Variants in CBLB observed in about 807,000 individuals in gnomAD.
CBLB encodes Cbl proto-oncogene B.
In CBLB, 31 loss-of-function variants were observed where a neutral mutation model predicts 104.9. That is an observed-to-expected ratio of 0.30 (90% confidence interval 0.22 to 0.40). CBLB has a LOEUF of 0.40. CBLB is among the 10% of genes least tolerant of loss of function. The pLI is 1.00. For synonymous variants in CBLB, 440 were observed against 422.6 expected (o/e 1.04, Z -0.51); for missense variants, 1,062 against 1,214.6 (o/e 0.87, Z 1.87).
At chr3:105,816,840 G>C (rs2085126915) in intron 3 of CBLB, among the ~76,000 whole-genome samples, 1 of 152,092 alleles carries the variant, frequency 6.6e-6, no homozygotes, top group African/African-American at 2.4e-5. Flanking sequence ...CTTATTAATG[G>C]AACCTACTTT....
chr3:105,789,422 G>T (rs2081388519), intron 3 of CBLB, among the ~76,000 whole-genome samples: 1 of 151,988 alleles, frequency 6.6e-6, no homozygotes, highest in Non-Finnish European at 1.5e-5. Context: ...ACCAACCAGG[G>T]AACGTTTTTA....
intron 4 of CBLB, among the ~76,000 whole-genome samples, chr3:105,757,573 TCTCA>T (rs1298870177): frequency 2.0e-5 from 3 of 152,194 alleles, no homozygotes; most frequent in Non-Finnish European, 4.4e-5. Flanking sequence ...CATAAAAATT[TCTCA>T]CTCTATATGT....
At chr3:105,780,250 G>C (rs2080027698) in intron 3 of CBLB, among the ~76,000 whole-genome samples, 1 of 151,828 alleles carries the variant, frequency 6.6e-6, no homozygotes, top group African/African-American at 2.4e-5. Context: ...GAGAAGAAAA[G>C]AAACAATCAC....
intron 1 of CBLB, 73 bp downstream of exon 1, chr3:105,868,663 C>T (rs995965449): frequency 4.3e-5 from 42 of 965,948 alleles, no homozygotes; most frequent in Non-Finnish European, 5.0e-5. Flanking sequence ...CTCCTTGGCC[C>T]GCGCCTGGCT....
At chr3:105,699,001 C>A (rs922458105) in intron 12 of CBLB, among the ~76,000 whole-genome samples, 5 of 152,082 alleles carry the variant, frequency 3.3e-5, no homozygotes, top group African/African-American at 1.2e-4. Context: ...TCCACCTTTT[C>A]TCTCCTGGCC....
At position 105,745,702 on chromosome 3, in the gene CBLB, A is replaced by G. The variant is rs982847697; in HGVS notation, c.845+215T>C. Among the ~76,000 whole-genome samples, 4 of 152,214 alleles carry G rather than the reference A, an allele frequency of 2.6e-5. 1 individual carries two copies. The South Asian group carries it at 8.3e-4, about 32-fold the overall frequency. On this transcript the variant is annotated intron_variant, in intron 6 of 18. Coordinates refer to ENST00000394030, the MANE Select transcript of CBLB (RefSeq NM_170662.5). ...ATATCATGAAAACAGAAAGGAGACC[A>G]TATCCCCTTTCACTTTATGAATACC...
At chr3:105,869,312 G>A (rs1706763363), upstream of CBLB, 2 of 1,151,746 alleles carry the variant, frequency 1.7e-6, no homozygotes. Context: ...ATGGACGAAG[G>A]GATGCAAGGC....
At chr3:105,763,730 C>T (rs2077917908) in intron 4 of CBLB, among the ~76,000 whole-genome samples, 1 of 152,188 alleles carries the variant, frequency 6.6e-6, no homozygotes, top group Non-Finnish European at 1.5e-5. Context: ...ACCAGCAGAA[C>T]ATGATCCTAA....
chr3:105,734,159 G>A lies in CBLB; in HGVS notation c.1072-19C>T. 2 of 1,612,464 alleles carry A rather than the reference G, an allele frequency of 1.2e-6. No homozygotes were observed. The highest frequency in any genetic ancestry group is 1.7e-6 in the Non-Finnish European group (2 of 1,178,664). Reference sequence around the variant, plus strand: ...ATTGTTCCTGGAATTTGGGGAGGAGGGAGAAAGTAATGTTAATGTATTTCC... The same window carrying A: ...ATTGTTCCTGGAATTTGGGGAGGAGAGAGAAAGTAATGTTAATGTATTTCC... On this transcript the variant is annotated intron_variant, in intron 8 of 18. Coordinates refer to ENST00000394030, the MANE Select transcript of CBLB (RefSeq NM_170662.5).
At chr3:105,849,008 A>C (rs1313626839) in intron 3 of CBLB, among the ~76,000 whole-genome samples, 3 of 152,158 alleles carry the variant, frequency 2.0e-5, no homozygotes, top group African/African-American at 7.2e-5. Context: ...AGATCTCATA[A>C]TGCTGACTAT....
At chr3:105,861,502 C>A (rs1029972387) in intron 2 of CBLB, among the ~76,000 whole-genome samples, 1 of 151,978 alleles carries the variant, frequency 6.6e-6, no homozygotes, top group South Asian at 2.1e-4. Context: ...TACATTTATT[C>A]GCCAAGATTA....
intron 10 of CBLB, among the ~76,000 whole-genome samples, chr3:105,705,547 G>T (rs909800718): frequency 2.0e-5 from 3 of 152,104 alleles, no homozygotes; most frequent in African/African-American, 7.2e-5. Flanking sequence ...TCTTTATTGG[G>T]ATTTGTCTAA....
intron 4 of CBLB, 23 bp from the exon 5 acceptor site, chr3:105,751,641 G>T (rs1278529364): frequency 6.3e-7 from 1 of 1,597,448 alleles, no homozygotes; most frequent in Non-Finnish European, 8.6e-7. Flanking sequence ...GAAAAAAAGG[G>T]AAATAATTGA....
At chr3:105,699,567 G>C (rs1482372671) in intron 12 of CBLB, among the ~76,000 whole-genome samples, 4 of 152,294 alleles carry the variant, frequency 2.6e-5, no homozygotes, top group African/African-American at 9.6e-5. Flanking sequence ...CAGAAACTGA[G>C]AATTACAGGA....
At chr3:105,775,775 A>G (rs2152962009) in intron 4 of CBLB, among the ~76,000 whole-genome samples, 1 of 152,342 alleles carries the variant, frequency 6.6e-6, no homozygotes, top group South Asian at 2.1e-4. Context: ...GTGTCTCTGT[A>G]GGGCATACAT....
intron 3 of CBLB, among the ~76,000 whole-genome samples, chr3:105,795,916 G>A (rs187208133): frequency 6.6e-6 from 1 of 151,368 alleles, no homozygotes; most frequent in East Asian, 1.9e-4. Flanking sequence ...GTTAATTTTT[G>A]TATTTTTAGT....
chr3:105,859,722 T>G (rs2091941610), intron 2 of CBLB, among the ~76,000 whole-genome samples: 1 of 151,714 alleles, frequency 6.6e-6, no homozygotes, highest in Non-Finnish European at 1.5e-5. Flanking sequence ...AGAAGAGGTT[T>G]CTTATTACAG....
At chr3:105,803,767 G>T (rs1237261042) in intron 3 of CBLB, among the ~76,000 whole-genome samples, 2 of 152,062 alleles carry the variant, frequency 1.3e-5, no homozygotes, top group Non-Finnish European at 2.9e-5. Flanking sequence ...ATAATAGAAT[G>T]AACTTAAATT....
intron 12 of CBLB, among the ~76,000 whole-genome samples, chr3:105,696,156 A>G (rs1359707768): frequency 6.6e-6 from 1 of 151,684 alleles, no homozygotes; most frequent in Non-Finnish European, 1.5e-5. Context: ...ATAAATATGT[A>G]CTGAGAGTTG....
Sources: gnomAD v4.1 joint callset for allele counts (sites outside exome capture counted in the v4.1 genomes callset) on GRCh38, gnomAD v4.1.1 for gene constraint, MANE v1.5 for transcripts, NCBI Gene and HGNC (gene_info 2026-07-23, HGNC 2026-07-21) for gene names.